The following IMMP2L variants were observed in gnomAD, a reference collection of about 807,000 sequenced individuals.
IMMP2L encodes inner mitochondrial membrane peptidase subunit 2, also known as mitochondrial inner membrane protease subunit 2.
In IMMP2L, 18 loss-of-function variants were observed where a neutral mutation model predicts 19.3. The observed-to-expected ratio is 0.93, with a 90% CI of 0.64 to 1.38. IMMP2L has a LOEUF of 1.38. IMMP2L is among the 40% of genes most tolerant of loss of function. The probability of loss-of-function intolerance (pLI) is 0.00; values close to 1 mark genes in which losing one functional copy is unlikely to be tolerated. For synonymous variants in IMMP2L, 76 were observed against 73.0 expected (o/e 1.04, Z -0.21); for missense variants, 233 against 218.2 (o/e 1.07, Z -0.43).
intron 5 of IMMP2L, among the ~76,000 whole-genome samples, chr7:110,874,528 A>G (rs1808868670): frequency 6.6e-6 from 1 of 152,136 alleles, no homozygotes; most frequent in African/African-American, 2.4e-5. Context: ...TATTATACCA[A>G]ACATATAATA....
intron 3 of IMMP2L, among the ~76,000 whole-genome samples, chr7:111,183,034 T>C (rs1253269953): frequency 6.6e-6 from 1 of 152,072 alleles, no homozygotes; most frequent in African/African-American, 2.4e-5. Flanking sequence ...GTATTATTTA[T>C]ATAAAGTGGT....
At chr7:110,772,926 G>T (rs1316703117) in intron 5 of IMMP2L, among the ~76,000 whole-genome samples, 1 of 152,006 alleles carries the variant, frequency 6.6e-6, no homozygotes, top group Non-Finnish European at 1.5e-5. Context: ...TTTCGAACGA[G>T]AAGTACTATC....
chr7:110,911,073 T>C (rs1267164685), intron 4 of IMMP2L, among the ~76,000 whole-genome samples: 4 of 152,176 alleles, frequency 2.6e-5, no homozygotes, highest in Non-Finnish European at 5.9e-5. Context: ...ATCACATATA[T>C]GTATGTATAT....
intron 3 of IMMP2L, among the ~76,000 whole-genome samples, chr7:111,421,446 G>A (rs1023492301): frequency 6.7e-6 from 1 of 150,108 alleles, no homozygotes; most frequent in African/African-American, 2.5e-5. Context: ...ATTTTTTTTT[G>A]TATTTTTAGT....
chr7:110,890,704 T>A (rs1157723226), intron 4 of IMMP2L, among the ~76,000 whole-genome samples: 1 of 152,148 alleles, frequency 6.6e-6, no homozygotes, highest in African/African-American at 2.4e-5. Context: ...AATTTTGGTT[T>A]TGACAGTCAA....
intron 5 of IMMP2L, among the ~76,000 whole-genome samples, chr7:110,883,718 T>C (rs527403309): frequency 6.6e-6 from 1 of 152,222 alleles, no homozygotes; most frequent in South Asian, 2.1e-4. Context: ...TTGGTCAAAG[T>C]AGCTAAAATA....
intron 5 of IMMP2L, among the ~76,000 whole-genome samples, chr7:110,874,729 T>C (rs1563044455): frequency 6.6e-6 from 1 of 152,066 alleles, no homozygotes; most frequent in African/African-American, 2.4e-5. Context: ...GACTCAACAG[T>C]GTAATACTGT....
chr7:110,819,228 C>A (rs59342752), intron 5 of IMMP2L, among the ~76,000 whole-genome samples: 1 of 151,800 alleles, frequency 6.6e-6, no homozygotes, highest in Admixed American at 6.6e-5. Context: ...TGGAACCTTG[C>A]TGGAAGTCAT....
At chr7:110,825,632 A>T (rs1399036676) in intron 5 of IMMP2L, among the ~76,000 whole-genome samples, 1 of 152,196 alleles carries the variant, frequency 6.6e-6, no homozygotes, top group African/African-American at 2.4e-5. Context: ...CTGGCTAGTC[A>T]TATGTAGAAA....
intron 4 of IMMP2L, among the ~76,000 whole-genome samples, chr7:110,961,636 T>C (rs934157846): frequency 2.0e-5 from 3 of 151,766 alleles, no homozygotes; most frequent in Admixed American, 2.0e-4. Flanking sequence ...GAATTACTCA[T>C]AATATCCCCA....
At chr7:110,831,273 T>C (rs1803947540) in intron 5 of IMMP2L, among the ~76,000 whole-genome samples, 1 of 152,130 alleles carries the variant, frequency 6.6e-6, no homozygotes, top group Non-Finnish European at 1.5e-5. Context: ...TCTCTCTAAC[T>C]TTTCTGTTTT....
intron 5 of IMMP2L, among the ~76,000 whole-genome samples, chr7:110,724,916 G>T (rs10499996): frequency 6.6e-6 from 1 of 152,016 alleles, no homozygotes; most frequent in African/African-American, 2.4e-5. Context: ...AAACCTGCAC[G>T]ACCTTGACTA....
intron 3 of IMMP2L, among the ~76,000 whole-genome samples, chr7:111,419,986 T>C (rs572918940): frequency 6.6e-5 from 10 of 151,892 alleles, no homozygotes; most frequent in African/African-American, 2.2e-4. Context: ...TATGAAAACA[T>C]TCTGGAAATG....
chr7:110,993,434 T>C (rs1393350012), intron 3 of IMMP2L, among the ~76,000 whole-genome samples: 2 of 152,116 alleles, frequency 1.3e-5, no homozygotes, highest in African/African-American at 2.4e-5. Flanking sequence ...TGATGGCTGC[T>C]CCTTTCCTTG....
At chr7:111,530,434 T>C (rs1461836916) in intron 1 of IMMP2L, among the ~76,000 whole-genome samples, 7 of 152,206 alleles carry the variant, frequency 4.6e-5, no homozygotes, top group Non-Finnish European at 8.8e-5. Flanking sequence ...CATAATCATT[T>C]TGTTCTGCTT....
intron 4 of IMMP2L, among the ~76,000 whole-genome samples, chr7:110,954,374 A>G (rs1259209691): frequency 1.3e-5 from 2 of 152,068 alleles, no homozygotes; most frequent in Non-Finnish European, 2.9e-5. Flanking sequence ...ATAAACTTTA[A>G]AAGGGCAAGA....
chr7:111,302,960 A>G (rs563667646), intron 3 of IMMP2L, among the ~76,000 whole-genome samples: 55 of 152,230 alleles, frequency 3.6e-4, no homozygotes, highest in Middle Eastern at 3.4e-3. Context: ...AATTTTCTTC[A>G]CAAAATAACT....
intron 1 of IMMP2L, among the ~76,000 whole-genome samples, chr7:111,556,220 G>A (rs1283487120): frequency 1.3e-5 from 2 of 151,400 alleles, no homozygotes; most frequent in African/African-American, 4.8e-5. Context: ...TATAATGAAA[G>A]AGTTTGGGAA....
At chr7:110,692,787 T>C (rs1793608899) in intron 5 of IMMP2L, among the ~76,000 whole-genome samples, 1 of 152,186 alleles carries the variant, frequency 6.6e-6, no homozygotes, top group Non-Finnish European at 1.5e-5. Context: ...TATTGTTTAT[T>C]CTCATGAAAG....
Sources: gnomAD v4.1 joint callset for allele counts (sites outside exome capture counted in the v4.1 genomes callset) on GRCh38, gnomAD v4.1.1 for gene constraint, MANE v1.5 for transcripts, NCBI Gene and HGNC (gene_info 2026-07-23, HGNC 2026-07-21) for gene names.